Variants in HERC2 observed in about 807,000 individuals in gnomAD.
HERC2 encodes HECT and RLD domain containing E3 ubiquitin protein ligase 2.
Under a neutral mutation model 537.7 loss-of-function variants are expected in HERC2, and 102 were observed. That is an observed-to-expected ratio of 0.19 (90% CI 0.16 to 0.22). The LOEUF (loss-of-function observed/expected upper bound fraction) is 0.22, where lower values mean the gene tolerates loss of function less well. Among genes scored for constraint, HERC2 ranks in the 10% least tolerant of loss-of-function variants. HERC2 has a pLI of 1.00. For synonymous variants in HERC2, 2,224 were observed against 2,466.2 expected (o/e 0.90, Z 2.91); for missense variants, 4,236 against 6,198.2 (o/e 0.68, Z 10.63).
At position 28,269,272 on chromosome 15, in the gene HERC2, T is replaced by C. The variant is rs1317129504; in HGVS notation, c.1422A>G (p.Thr474=). The change falls in exon 11 of 93, where the codon ACA becomes ACG. Residue 474 remains threonine, a synonymous_variant. Coordinates refer to ENST00000261609, the MANE Select transcript of HERC2 (RefSeq NM_004667.6). ...CCAGCGTGTCACTATTATAGGCCTG[T>C]GTGTACACGCGGCCATTGCGTGACA... ...LILSRNGRVY[T]QAYNSDTLAP... The C allele has an allele frequency of 1.9e-6, 3 of 1,613,886 alleles. No individual in the cohort carries two copies. In the South Asian group the frequency reaches 3.3e-5, roughly 18 times the overall value.
Position 28,208,605 on chromosome 15 carries a change from G to T in HERC2, c.7070-2223C>A, listed in dbSNP as rs1898748460. ...TGGTCTCCCAGGTACTCTGTAACAG[G>T]ATGTCACCCACCCATCCAGCTTCAG... On this transcript the variant is annotated intron_variant, in intron 44 of 92. Coordinates refer to ENST00000261609, the MANE Select transcript of HERC2 (RefSeq NM_004667.6). Among the ~76,000 whole-genome samples the T allele has an allele frequency of 2.0e-5, 3 of 152,064 alleles. No individual in the cohort carries two copies. The South Asian group carries it at 6.2e-4, about 32-fold the overall frequency.
At chr15:28,297,297 G>A (rs2076494886) in intron 3 of HERC2, among the ~76,000 whole-genome samples, 1 of 151,682 alleles carries the variant, frequency 6.6e-6, no homozygotes, top group South Asian at 2.1e-4. Flanking sequence ...TTAGACTTTT[G>A]TCATCTCCCA....
chr15:28,114,897 A>G lies in HERC2; in HGVS notation c.13723-95T>C, dbSNP rs1345570762. ...CAGCACACTCTGTCAAGCAGGAACC[A>G]GGGTCAGCCTCAAGTGCATCTCGAG... On this transcript the variant is annotated intron_variant, in intron 89 of 92. Coordinates refer to ENST00000261609, the MANE Select transcript of HERC2 (RefSeq NM_004667.6). The G allele has an allele frequency of 2.9e-6, 3 of 1,046,114 alleles. No individual in the cohort carries two copies. In the African/African-American group the frequency reaches 4.8e-5, roughly 17 times the overall value. The allele number at this position is 1,046,114 out of a possible 1,614,324, so 64.8% of individuals were successfully genotyped here.
intron 7 of HERC2, among the ~76,000 whole-genome samples, chr15:28,274,007 G>T (rs919474133): frequency 2.0e-5 from 3 of 152,164 alleles, no homozygotes; most frequent in Non-Finnish European, 4.4e-5. Context: ...GACACACAGT[G>T]TAAGCACTCA....
At position 28,167,722 on chromosome 15, in the gene HERC2, T is replaced by G. The variant is rs1364013513; in HGVS notation, c.10519A>C (p.Ser3507Arg). Residue 3507 changes from serine (S) to arginine (R), a missense_variant, in exon 68 of 93, where the codon AGC becomes CGC. Coordinates refer to ENST00000261609, the MANE Select transcript of HERC2 (RefSeq NM_004667.6). ...IPVTDDLGAA[S>R]IIAETMTKTK... ...TTGGTCATGGTTTCTGCAATGATGC[T>G]TGCGGCTCCCAGGTCATCCGTCACT... 1 of 1,614,226 alleles carries G rather than the reference T, an allele frequency of 6.2e-7. No homozygotes were observed. Among genetic ancestry groups the G allele is most frequent in the South Asian group, 1.1e-5 (1 of 91,092 alleles).
intron 86 of HERC2, among the ~76,000 whole-genome samples, chr15:28,120,482 C>A (rs1236300079): frequency 6.6e-6 from 1 of 152,232 alleles, no homozygotes. Context: ...ATGTCAAGTT[C>A]TGCACGCTAT....
At chr15:28,127,013 G>C (rs987140697) in intron 83 of HERC2, among the ~76,000 whole-genome samples, 2 of 152,190 alleles carry the variant, frequency 1.3e-5, no homozygotes, top group Admixed American at 1.3e-4. Flanking sequence ...AATATTCTCA[G>C]GCAAGGTCCC....
intron 20 of HERC2, among the ~76,000 whole-genome samples, chr15:28,253,637 T>C (rs1438937223): frequency 6.6e-6 from 1 of 152,230 alleles, no homozygotes; most frequent in Non-Finnish European, 1.5e-5. Flanking sequence ...GATTTCACTA[T>C]CTTAATATGA....
chr15:28,262,939 T>C lies in HERC2; in HGVS notation c.2101A>G (p.Lys701Glu). The C allele has an allele frequency of 6.2e-7, 1 of 1,614,178 alleles. No individual in the cohort carries two copies. The highest frequency in any genetic ancestry group is 8.5e-7 in the Non-Finnish European group (1 of 1,179,994). The change falls in exon 15 of 93, where the codon AAA becomes GAA. Residue 701 changes from lysine (K) to glutamate (E), a missense_variant. Physicochemically the swap from Lys to Glu is moderately conservative, Grantham distance 56. This residue lies in a region of HERC2 where 754 missense variants were observed against 1,085.0 expected (regional missense o/e 0.69). Transcript: ENST00000261609. Reference sequence around the variant, plus strand: ...TCACCTTGCAAGCCTTCTAAGAGTTTTGGATAACGAACATGTTCCTCTGTT... The same window carrying C: ...TCACCTTGCAAGCCTTCTAAGAGTTCTGGATAACGAACATGTTCCTCTGTT... ...HGTEEHVRYP[K>E]LLEGLQGKKV...
intron 70 of HERC2, among the ~76,000 whole-genome samples, chr15:28,149,283 A>G (rs1380466692): frequency 6.6e-6 from 1 of 151,788 alleles, no homozygotes; most frequent in Non-Finnish European, 1.5e-5. Flanking sequence ...AAAATTACCG[A>G]AAAAACACAC....
chr15:28,168,498 G>A lies in HERC2; in HGVS notation c.10322C>T (p.Ala3441Val). Reference sequence around the variant, plus strand: ...TTCTCCATTCATGGGACTAGCCATCGCAGATGCGTCGGAAGGGGCCGCCGA... The same window carrying A: ...TTCTCCATTCATGGGACTAGCCATCACAGATGCGTCGGAAGGGGCCGCCGA... ...FSSAAPSDAS[A>V]MASPMNGEEC... is the part of the protein sequence containing the mutation. The change falls in exon 67 of 93, where the codon GCG becomes GTG. Residue 3441 changes from alanine (A) to valine (V), a missense_variant. Ala to Val is a moderately conservative substitution (Grantham distance 64). Transcript: ENST00000261609. 1.9e-6 allele frequency: 3 copies of A among 1,614,180 alleles called. No homozygotes were observed. Among genetic ancestry groups the A allele is most frequent in the African/African-American group, 1.3e-5 (1 of 75,056 alleles).
At position 28,218,042 on chromosome 15, in the gene HERC2, C is replaced by T. The variant is rs530371377; in HGVS notation, c.6028+447G>A. Among the ~76,000 whole-genome samples, 493 of 151,928 alleles carry T rather than the reference C, an allele frequency of 3.2e-3. 3 individuals carry two copies. Among genetic ancestry groups the T allele is most frequent in the African/African-American group, 9.7e-3 (401 of 41,220 alleles). On this transcript the variant is annotated intron_variant, in intron 38 of 92. Coordinates refer to ENST00000261609, the MANE Select transcript of HERC2 (RefSeq NM_004667.6). ...CGTATGTTGAAGCCCTAACCCCTATCGTACCTCGGCAGGTGACCTTGTTTG... is the reference window on the plus strand; with the variant it reads ...CGTATGTTGAAGCCCTAACCCCTATTGTACCTCGGCAGGTGACCTTGTTTG...
intron 48 of HERC2, among the ~76,000 whole-genome samples, chr15:28,200,444 C>A (rs1439972489): frequency 1.3e-5 from 2 of 151,910 alleles, no homozygotes; most frequent in Non-Finnish European, 2.9e-5. Context: ...AGGAAGAGGG[C>A]CATCACCAGA....
At chr15:28,173,734 T>G (rs1206785138) in intron 65 of HERC2, among the ~76,000 whole-genome samples, 1 of 139,268 alleles carries the variant, frequency 7.2e-6, no homozygotes, top group South Asian at 2.2e-4. Context: ...GCCCAGGAGG[T>G]GGAAGCTGCA....
intron 23 of HERC2, among the ~76,000 whole-genome samples, chr15:28,244,866 C>G (rs1021387398): frequency 6.6e-6 from 1 of 152,158 alleles, no homozygotes; most frequent in African/African-American, 2.4e-5. Context: ...AGAAAAAAAG[C>G]CCATCCAGCT....
chr15:28,269,251 C>T lies in HERC2; in HGVS notation c.1443G>A (p.Thr481=), dbSNP rs550013373. The part of the protein sequence containing the change: ...RVYTQAYNSD[T]LAPQLVQGLA... ...GCACAGTGCCCAGAACACTCACCAGCGTGTCACTATTATAGGCCTGTGTGT... is the reference window on the plus strand; with the variant it reads ...GCACAGTGCCCAGAACACTCACCAGTGTGTCACTATTATAGGCCTGTGTGT... The change falls in exon 11 of 93, where the codon ACG becomes ACA. Residue 481 remains threonine, a synonymous_variant. Coordinates refer to ENST00000261609, the MANE Select transcript of HERC2 (RefSeq NM_004667.6). The T allele has an allele frequency of 1.6e-5, 25 of 1,612,612 alleles. No individual in the cohort carries two copies. Among genetic ancestry groups the T allele is most frequent in the African/African-American group, 9.3e-5 (7 of 75,038 alleles).
rs751431101 is a variant in HERC2 at position 28,316,800 on chromosome 15, C to T, written c.72+4562G>A. On this transcript the variant is annotated intron_variant, in intron 2 of 92. Coordinates refer to ENST00000261609, the MANE Select transcript of HERC2 (RefSeq NM_004667.6). ...CTGATCGTTTTTATTTTTTTTGAGA[C>T]GGATTCTCGCTCTCTCACCAGGCTG... is the stretch of plus-strand genomic sequence containing the variant. Among the ~76,000 whole-genome samples, 17 of 152,084 alleles carry T rather than the reference C, an allele frequency of 1.1e-4. No individual in the cohort carries two copies. In the South Asian group the frequency reaches 2.1e-3, roughly 19 times the overall value.
chr15:28,230,040 G>C (rs920008424), intron 31 of HERC2, among the ~76,000 whole-genome samples, 193 bp from the exon 32 acceptor site: 1 of 152,106 alleles, frequency 6.6e-6, no homozygotes, highest in African/African-American at 2.4e-5. Context: ...ATATATGTTG[G>C]AACAGGCTAG....
At chr15:28,231,407 T>C (rs985099357) in intron 30 of HERC2, among the ~76,000 whole-genome samples, 2 of 152,116 alleles carry the variant, frequency 1.3e-5, no homozygotes, top group Non-Finnish European at 2.9e-5. Flanking sequence ...ATGCTAATGA[T>C]GGGACTTGCG....
Sources: allele counts gnomAD v4.1 joint callset (sites outside exome capture counted in the v4.1 genomes callset), GRCh38; gene constraint gnomAD v4.1.1; regional missense constraint gnomAD v4.1.1; transcripts MANE v1.5; gene names NCBI Gene and HGNC (gene_info 2026-07-23, HGNC 2026-07-21).